The following DIO2 variants were observed in gnomAD, a reference collection of about 807,000 sequenced individuals.
DIO2 encodes iodothyronine deiodinase 2.
A neutral mutation model predicts 21.4 loss-of-function variants in DIO2; 19 were observed. The ratio of observed to expected loss-of-function variants is 0.89; its 90% CI spans 0.62 to 1.30. The LOEUF (loss-of-function observed/expected upper bound fraction) is 1.30, where lower values mean the gene tolerates loss of function less well. Among genes scored for constraint, DIO2 ranks in the 50% most tolerant of loss-of-function variants. DIO2 has a pLI of 0.00. For missense variants in DIO2, 302 were observed against 338.1 expected, an observed-to-expected ratio of 0.89 and a Z score of 0.84; for synonymous variants, 122 against 132.9, an observed-to-expected ratio of 0.92 and a Z score of 0.57.
chr14:80,205,628 A>G, intron 1 of DIO2: 1 of 1,332,708 alleles, frequency 7.5e-7, no homozygotes, highest in Non-Finnish European at 9.8e-7. Flanking sequence ...TGGAAAGTTA[A>G]GGCACCTTCT....
At chr14:80,214,550 A>T (rs901108682), upstream of DIO2, among the ~76,000 whole-genome samples, 2 of 152,166 alleles carry the variant, frequency 1.3e-5, no homozygotes, top group Admixed American at 1.3e-4. Context: ...ATACACAGCC[A>T]ATCTGGTTAT....
At chr14:80,205,786 G>A in intron 1 of DIO2, 1 of 1,131,198 alleles carries the variant, frequency 8.8e-7, no homozygotes. Context: ...CTCTTTATGG[G>A]GGGGATTTAG....
chr14:80,226,808 G>T (rs1318784271), intron 2 of DIO2, among the ~76,000 whole-genome samples: 1 of 152,206 alleles, frequency 6.6e-6, no homozygotes, highest in Non-Finnish European at 1.5e-5. Flanking sequence ...CTATCCACTT[G>T]ATTATTAAAA....
chr14:80,205,917 C>A (rs1490431362), intron 1 of DIO2, among the ~76,000 whole-genome samples: 1 of 152,086 alleles, frequency 6.6e-6, no homozygotes, highest in Non-Finnish European at 1.5e-5. Flanking sequence ...CTGCAATGAA[C>A]ATAATCATAT....
upstream of DIO2, among the ~76,000 whole-genome samples, chr14:80,212,807 G>T (rs1355032349): frequency 1.4e-5 from 2 of 145,200 alleles, no homozygotes; most frequent in African/African-American, 2.6e-5. Flanking sequence ...GCAGAAACTT[G>T]AATACAGGTT....
In DIO2 at chr14:80,198,671, T is replaced by C. The variant is rs1887581936; in HGVS notation, c.*4018A>G. The C allele has an allele frequency of 1.3e-5, 2 of 150,064 alleles. No homozygotes were observed. The highest frequency in any genetic ancestry group is 2.1e-4 in the South Asian group (1 of 4,776). 9.3% of individuals were successfully genotyped at this position (150,064 alleles called of 1,614,324 possible). On this transcript the variant is annotated 3_prime_UTR_variant, in exon 2 of 2. Transcript: ENST00000438257. ...GTACTTAAGCCCCATTCTGGAAGCATATATGAAGAGTGGGTTTGGATTCTA... is the reference window on the plus strand; with the variant it reads ...GTACTTAAGCCCCATTCTGGAAGCACATATGAAGAGTGGGTTTGGATTCTA...
chr14:80,209,756 TAAC>T (rs942033646), intron 1 of DIO2, among the ~76,000 whole-genome samples: 5 of 152,240 alleles, frequency 3.3e-5, no homozygotes, highest in African/African-American at 1.2e-4. Flanking sequence ...TTCACATTTT[TAAC>T]AACAATAAAC....
chr14:80,222,879 A>T (rs1888493915), intron 2 of DIO2, among the ~76,000 whole-genome samples: 1 of 147,232 alleles, frequency 6.8e-6, no homozygotes, highest in Admixed American at 6.7e-5. Context: ...TTTTTTTGAG[A>T]CAGGGTCTTG....
At chr14:80,212,110 C>G (rs1225078624), upstream of DIO2, 1 of 151,644 alleles carries the variant, frequency 6.6e-6, no homozygotes, top group Non-Finnish European at 1.5e-5. Context: ...GCGACTGACT[C>G]CTCTTTTTTC....
At chr14:80,218,167 A>G (rs1888393752) in intron 2 of DIO2, among the ~76,000 whole-genome samples, 1 of 152,168 alleles carries the variant, frequency 6.6e-6, no homozygotes, top group African/African-American at 2.4e-5. Context: ...GCCTTCTAAT[A>G]AGACCTTCTT....
Position 80,202,191 on chromosome 14 carries a change from A to G in DIO2, c.*498T>C. 1 of 429,056 alleles carries G rather than the reference A, an allele frequency of 2.3e-6. No homozygotes were observed. Among genetic ancestry groups the G allele is most frequent in the South Asian group, 1.8e-5 (1 of 55,438 alleles). 26.6% of individuals were successfully genotyped at this position (429,056 alleles called of 1,614,324 possible). A position where few individuals can be genotyped will look rare whatever the true frequency, so the allele number is the denominator to read the frequency against. ...CAGAAATGACTCTAACATAAGGTCT[A>G]ACCTTAACACCAACGTCTAACCACA... is the stretch of plus-strand genomic sequence containing the variant. On this transcript the variant is annotated 3_prime_UTR_variant, in exon 2 of 2. Coordinates refer to ENST00000438257, the MANE Select transcript of DIO2 (RefSeq NM_013989.5).
chr14:80,222,537 A>G (rs1365955666), intron 2 of DIO2, among the ~76,000 whole-genome samples: 1 of 152,208 alleles, frequency 6.6e-6, no homozygotes, highest in Non-Finnish European at 1.5e-5. Flanking sequence ...AGCAAGACTC[A>G]GTTTATATTT....
chr14:80,220,063 TG>T (rs1888435993), intron 2 of DIO2, among the ~76,000 whole-genome samples: 1 of 151,770 alleles, frequency 6.6e-6, no homozygotes, highest in Admixed American at 6.6e-5. Context: ...TGTGTGTGTG[TG>T]TTTTGTTGTT....
chr14:80,216,262 G>C (rs1370724335), upstream of DIO2: 1 of 152,248 alleles, frequency 6.6e-6, no homozygotes, highest in Non-Finnish European at 1.5e-5. Flanking sequence ...GGAAAGAAAA[G>C]ATTCAATGAG....
intron 2 of DIO2, among the ~76,000 whole-genome samples, chr14:80,228,933 C>T (rs1435678364): frequency 2.6e-5 from 4 of 152,162 alleles, no homozygotes; most frequent in Non-Finnish European, 4.4e-5. Flanking sequence ...CTCCAATGCA[C>T]AGCTACCCTG....
At chr14:80,219,442 G>C (rs181112773) in intron 2 of DIO2, 14 of 151,284 alleles carry the variant, frequency 9.3e-5, no homozygotes, top group Admixed American at 7.2e-4. Context: ...AAAAGCCAAA[G>C]AGACACCGGC....
At chr14:80,225,411 A>G (rs1888556148) in intron 2 of DIO2, among the ~76,000 whole-genome samples, 1 of 152,260 alleles carries the variant, frequency 6.6e-6, no homozygotes, top group Non-Finnish European at 1.5e-5. Context: ...CATGAAGTTA[A>G]CAATACTTAA....
At chr14:80,224,360 G>GT (rs1230292049) in intron 2 of DIO2, among the ~76,000 whole-genome samples, 2 of 152,094 alleles carry the variant, frequency 1.3e-5, no homozygotes, top group African/African-American at 4.8e-5. Flanking sequence ...ACCTGTAAAT[G>GT]TTGTCTTATT....
chr14:80,223,157 T>C (rs1594882674), intron 2 of DIO2, among the ~76,000 whole-genome samples: 2 of 152,212 alleles, frequency 1.3e-5, no homozygotes, highest in Admixed American at 6.5e-5. Context: ...CTGGAAATAC[T>C]GTTTCTATTG....
Sources: gnomAD v4.1 joint callset for allele counts (sites outside exome capture counted in the v4.1 genomes callset) on GRCh38, gnomAD v4.1.1 for gene constraint, MANE v1.5 for transcripts, NCBI Gene and HGNC (gene_info 2026-07-23, HGNC 2026-07-21) for gene names.